The following SDCCAG8 variants were observed in gnomAD, a reference collection of about 807,000 sequenced individuals.
SDCCAG8 encodes serologically defined colon cancer antigen 8.
Under a neutral mutation model 101.8 loss-of-function variants are expected in SDCCAG8, and 74 were observed. The ratio of observed to expected loss-of-function variants is 0.73; its 90% confidence interval spans 0.60 to 0.88. The LOEUF is 0.88. Among genes scored for constraint, SDCCAG8 ranks in the 40% least tolerant of loss-of-function variants. The pLI is 0.00. For synonymous variants in SDCCAG8, 281 were observed against 292.9 expected, an observed-to-expected ratio of 0.96 and a Z score of 0.41; for missense variants, 787 against 822.6, an observed-to-expected ratio of 0.96 and a Z score of 0.53.
At chr1:243,291,296 A>G (rs546210848) in intron 5 of SDCCAG8, among the ~76,000 whole-genome samples, 1 of 152,342 alleles carries the variant, frequency 6.6e-6, no homozygotes, top group South Asian at 2.1e-4. Flanking sequence ...AGGGTGACAG[A>G]GGTTGCAACT....
At chr1:243,259,618 G>A (rs2067042181) in intron 1 of SDCCAG8, among the ~76,000 whole-genome samples, 1 of 151,868 alleles carries the variant, frequency 6.6e-6, no homozygotes. Context: ...TCTGGAGTTC[G>A]AGAACAGCCT....
In SDCCAG8 at chr1:243,493,813, C is replaced by T. The variant is rs75242892; in HGVS notation, c.2112+4673C>T. Among the ~76,000 whole-genome samples the T allele has an allele frequency of 2.7e-3, 410 of 151,608 alleles. 2 individuals carry two copies. Among genetic ancestry groups the T allele is most frequent in the African/African-American group, 9.6e-3 (395 of 41,292 alleles). On this transcript the variant is annotated intron_variant, in intron 17 of 17. Transcript: ENST00000366541. Reference sequence around the variant, plus strand: ...TACCAAAGGACTCATAGAAGAGAGCCGAAAACAAGCAGGGGACACAGAGAC... The same window carrying T: ...TACCAAAGGACTCATAGAAGAGAGCTGAAAACAAGCAGGGGACACAGAGAC...
chr1:243,295,100 C>CT (rs1051876422), intron 6 of SDCCAG8, among the ~76,000 whole-genome samples: 9 of 152,094 alleles, frequency 5.9e-5, no homozygotes, highest in Non-Finnish European at 1.2e-4. Flanking sequence ...TAAATTGTAT[C>CT]TTTTTTTTCC....
intron 17 of SDCCAG8, among the ~76,000 whole-genome samples, chr1:243,491,183 A>G (rs1666318329): frequency 6.6e-6 from 1 of 152,218 alleles, no homozygotes; most frequent in Non-Finnish European, 1.5e-5. Flanking sequence ...AGATCTTAAC[A>G]TGGATCACCG....
intron 13 of SDCCAG8, among the ~76,000 whole-genome samples, chr1:243,395,382 C>G (rs973877798): frequency 6.6e-6 from 1 of 152,080 alleles, no homozygotes; most frequent in Admixed American, 6.6e-5. Flanking sequence ...ACAGATTACA[C>G]TAAAGGAAAA....
At chr1:243,402,222 G>A (rs994303960) in intron 13 of SDCCAG8, among the ~76,000 whole-genome samples, 1 of 152,126 alleles carries the variant, frequency 6.6e-6, no homozygotes. Context: ...GAGGTCAGGA[G>A]TTTGAGACCA....
intron 6 of SDCCAG8, among the ~76,000 whole-genome samples, chr1:243,303,955 C>G (rs2071815875): frequency 6.6e-6 from 1 of 152,108 alleles, no homozygotes; most frequent in African/African-American, 2.4e-5. Context: ...TGCCTGTAAT[C>G]CCAGCTACTT....
intron 6 of SDCCAG8, among the ~76,000 whole-genome samples, chr1:243,301,883 C>T (rs533414165): frequency 6.6e-6 from 1 of 152,220 alleles, no homozygotes; most frequent in Non-Finnish European, 1.5e-5. Flanking sequence ...TTAACAATGT[C>T]AAGATAACAA....
chr1:243,319,083 A>C (rs1480413086), intron 9 of SDCCAG8, among the ~76,000 whole-genome samples: 1 of 152,140 alleles, frequency 6.6e-6, no homozygotes, highest in East Asian at 1.9e-4. Context: ...ACAAGGGAGC[A>C]GGACTGAGCG....
intron 10 of SDCCAG8, among the ~76,000 whole-genome samples, chr1:243,340,119 T>C (rs2075297288): frequency 6.6e-6 from 1 of 152,226 alleles, no homozygotes; most frequent in Non-Finnish European, 1.5e-5. Flanking sequence ...CCATTTATTC[T>C]AAGTATTTAC....
chr1:243,468,336 G>A (rs1420210599), intron 16 of SDCCAG8, among the ~76,000 whole-genome samples: 1 of 151,658 alleles, frequency 6.6e-6, no homozygotes, highest in Non-Finnish European at 1.5e-5. Flanking sequence ...TCTTGTCTCA[G>A]TGTCCCGAGT....
chr1:243,358,035 A>G (rs2076486426), intron 12 of SDCCAG8, among the ~76,000 whole-genome samples: 1 of 152,186 alleles, frequency 6.6e-6, no homozygotes, highest in Admixed American at 6.5e-5. Context: ...GGATTAGGTA[A>G]TGGTTTCTTA....
intron 13 of SDCCAG8, among the ~76,000 whole-genome samples, chr1:243,395,654 A>C (rs2078990484): frequency 6.6e-6 from 1 of 152,168 alleles, no homozygotes; most frequent in Non-Finnish European, 1.5e-5. Context: ...CTCAGTACTT[A>C]GATTTTAACC....
intron 17 of SDCCAG8, among the ~76,000 whole-genome samples, chr1:243,493,539 C>T (rs1349693058): frequency 6.6e-6 from 1 of 151,956 alleles, no homozygotes; most frequent in African/African-American, 2.4e-5. Context: ...GCCGTCGTAT[C>T]CTGAGCAGGC....
intron 17 of SDCCAG8, among the ~76,000 whole-genome samples, chr1:243,495,865 C>G (rs1474369796): frequency 6.6e-6 from 1 of 152,144 alleles, no homozygotes; most frequent in Non-Finnish European, 1.5e-5. Flanking sequence ...AAACTGGCTG[C>G]CCCTCATCTG....
At chr1:243,326,991 A>G (rs2074192585) in intron 9 of SDCCAG8, among the ~76,000 whole-genome samples, 1 of 152,242 alleles carries the variant, frequency 6.6e-6, no homozygotes, top group Non-Finnish European at 1.5e-5. Context: ...ATATGTCAAC[A>G]CAGAATGACC....
intron 16 of SDCCAG8, among the ~76,000 whole-genome samples, chr1:243,478,218 G>A (rs774661969): frequency 1.9e-4 from 29 of 152,114 alleles, no homozygotes; most frequent in Non-Finnish European, 3.5e-4. Context: ...AGAATGTCGG[G>A]CGTTTCAAAA....
At chr1:243,436,592 A>G (rs2082150079) in intron 16 of SDCCAG8, among the ~76,000 whole-genome samples, 1 of 152,218 alleles carries the variant, frequency 6.6e-6, no homozygotes, top group Admixed American at 6.5e-5. Flanking sequence ...TTGTAACTTC[A>G]TTAAGTCTTT....
intron 13 of SDCCAG8, among the ~76,000 whole-genome samples, chr1:243,397,891 A>G (rs1193327382): frequency 6.6e-6 from 1 of 152,218 alleles, no homozygotes; most frequent in African/African-American, 2.4e-5. Context: ...AACTTTCTCC[A>G]CTGCAAACCA....
Sources: allele counts gnomAD v4.1 joint callset (sites outside exome capture counted in the v4.1 genomes callset), GRCh38; gene constraint gnomAD v4.1.1; transcripts MANE v1.5; gene names NCBI Gene and HGNC (gene_info 2026-07-23, HGNC 2026-07-21).